Variants in MATCAP2 observed in about 807,000 individuals in gnomAD.
MATCAP2 encodes microtubule associated tyrosine carboxypeptidase 2, also known as putative tyrosine carboxypeptidase MATCAP2.
At chr7:36,356,570 C>A in the MATCAP2 span, 1 of 463,232 alleles carries the variant, frequency 2.2e-6, no homozygotes, top group Non-Finnish European at 3.8e-6. Flanking sequence ...GTAGTGTGGG[C>A]TACCCAACAC....
chr7:36,324,588 G>C, the MATCAP2 span: 1 of 151,822 alleles, frequency 6.6e-6, no homozygotes. Flanking sequence ...TTATTTTAGG[G>C]AAAAAAACTG....
the MATCAP2 span, chr7:36,325,503 GTATTAGCACCAT>G: frequency 6.6e-6 from 1 of 152,148 alleles, no homozygotes; most frequent in Non-Finnish European, 1.5e-5. Context: ...ATATCTACCA[GTATTAGCACCAT>G]TATTTAAGCC....
chr7:36,353,481 CTTT>C, the MATCAP2 span, among the ~76,000 whole-genome samples: 6 of 130,812 alleles, frequency 4.6e-5, no homozygotes, highest in Admixed American at 2.4e-4. Context: ...TGTTTATGCT[CTTT>C]TTTTTTTTTT....
At chr7:36,329,811 A>G in the MATCAP2 span, among the ~76,000 whole-genome samples, 2 of 152,220 alleles carry the variant, frequency 1.3e-5, no homozygotes, top group African/African-American at 4.8e-5. Context: ...GTACTTTTAC[A>G]ATGGGGAGAT....
chr7:36,387,601 T>C, the MATCAP2 span, among the ~76,000 whole-genome samples: 1 of 152,148 alleles, frequency 6.6e-6, no homozygotes, highest in Non-Finnish European at 1.5e-5. Flanking sequence ...TGGCACATAG[T>C]AGGTGTTTCA....
At chr7:36,329,143 G>C in the MATCAP2 span, among the ~76,000 whole-genome samples, 2 of 151,858 alleles carry the variant, frequency 1.3e-5, no homozygotes, top group African/African-American at 2.4e-5. Flanking sequence ...TTATTTATTT[G>C]GTATTTATAC....
chr7:36,334,572 A>G, the MATCAP2 span, among the ~76,000 whole-genome samples: 151 of 150,552 alleles, frequency 1.0e-3, no homozygotes, highest in Non-Finnish European at 1.6e-3. Context: ...AAAATTCTAA[A>G]GCCAAATTGA....
At chr7:36,348,262 T>C in the MATCAP2 span, among the ~76,000 whole-genome samples, 1 of 152,326 alleles carries the variant, frequency 6.6e-6, no homozygotes, top group Non-Finnish European at 1.5e-5. Flanking sequence ...ATTAGGTACA[T>C]AAAGATTTGT....
the MATCAP2 span, chr7:36,324,154 C>T: frequency 6.6e-6 from 1 of 152,146 alleles, no homozygotes; most frequent in Non-Finnish European, 1.5e-5. Flanking sequence ...ACAAGAAACA[C>T]CACAATACAA....
chr7:36,351,089 G>A, the MATCAP2 span, among the ~76,000 whole-genome samples: 2 of 152,110 alleles, frequency 1.3e-5, no homozygotes, highest in African/African-American at 4.8e-5. Context: ...GTCCACATAG[G>A]TACTTACTTT....
the MATCAP2 span, among the ~76,000 whole-genome samples, chr7:36,328,249 G>GGC: frequency 9.4e-5 from 11 of 116,504 alleles, 3 homozygotes; most frequent in African/African-American, 3.4e-4. Context: ...TAGGGGGGGG[G>GGC]GGTCTTGCTA....
At chr7:36,336,208 A>G in the MATCAP2 span, 1 of 1,536,208 alleles carries the variant, frequency 6.5e-7, no homozygotes, top group Non-Finnish European at 8.7e-7. Flanking sequence ...TCCAGATTCG[A>G]GTTTTAGAGA....
chr7:36,390,314 C>T, the MATCAP2 span: 1 of 525,932 alleles, frequency 1.9e-6, no homozygotes, highest in South Asian at 2.4e-5. Context: ...TCTTTCAGCC[C>T]CCGTTTTTAC....
chr7:36,364,273 A>G, the MATCAP2 span, among the ~76,000 whole-genome samples: 1 of 151,976 alleles, frequency 6.6e-6, no homozygotes, highest in Non-Finnish European at 1.5e-5. Flanking sequence ...TTTTTTGTAG[A>G]GATAAGGTTT....
the MATCAP2 span, among the ~76,000 whole-genome samples, chr7:36,360,474 T>G: frequency 6.6e-6 from 1 of 152,178 alleles, no homozygotes. Context: ...CTTTTGAAGC[T>G]CCATCTGCTG....
chr7:36,336,937 A>C, the MATCAP2 span, among the ~76,000 whole-genome samples: 3 of 151,332 alleles, frequency 2.0e-5, no homozygotes, highest in African/African-American at 7.3e-5. Context: ...TTTACTAAAA[A>C]TATAAAAAAA....
chr7:36,337,488 G>A, the MATCAP2 span, among the ~76,000 whole-genome samples: 1 of 152,124 alleles, frequency 6.6e-6, no homozygotes, highest in Non-Finnish European at 1.5e-5. Context: ...AATTGTGTAA[G>A]AACCTAGGGA....
the MATCAP2 span, among the ~76,000 whole-genome samples, chr7:36,330,671 A>G: frequency 2.0e-5 from 3 of 152,164 alleles, no homozygotes; most frequent in Non-Finnish European, 2.9e-5. Context: ...TGGAGATATT[A>G]TGGGGGGAAG....
chr7:36,359,415 C>G, the MATCAP2 span, among the ~76,000 whole-genome samples: 1 of 152,156 alleles, frequency 6.6e-6, no homozygotes, highest in Non-Finnish European at 1.5e-5. Flanking sequence ...CCAGGAGTCA[C>G]AGAGTCTAGG....
Sources: gnomAD v4.1 joint callset for allele counts (sites outside exome capture counted in the v4.1 genomes callset) on GRCh38, gnomAD v4.1.1 for gene constraint, MANE v1.5 for transcripts, NCBI Gene and HGNC (gene_info 2026-07-23, HGNC 2026-07-21) for gene names.